The following GLB1 variants were observed in gnomAD, a reference collection of about 807,000 sequenced individuals.
The protein encoded by GLB1 is galactosidase beta 1.
A neutral mutation model predicts 74.0 loss-of-function variants in GLB1; 56 were observed. The ratio of observed to expected loss-of-function variants is 0.76; its 90% CI spans 0.61 to 0.94. GLB1 has a LOEUF of 0.94. GLB1 is among the 40% of genes least tolerant of loss of function. GLB1 has a pLI of 0.00. For synonymous variants in GLB1, 323 were observed against 323.6 expected (o/e 1.00, Z 0.02); for missense variants, 787 against 845.5 (o/e 0.93, Z 0.86).
At chr3:33,074,664 G>C (rs532417620) in intron 1 of GLB1, among the ~76,000 whole-genome samples, 1 of 152,230 alleles carries the variant, frequency 6.6e-6, no homozygotes, top group East Asian at 1.9e-4. Context: ...GGATAAGGCA[G>C]CAACAGGCCA....
intron 15 of GLB1, among the ~76,000 whole-genome samples, chr3:33,002,498 G>A (rs1278077565): frequency 6.6e-6 from 1 of 151,086 alleles, no homozygotes; most frequent in African/African-American, 2.4e-5. Flanking sequence ...CTCTTGAGGA[G>A]CTGGGACTAT....
chr3:33,091,175 A>G, intron 1 of GLB1: 1 of 985,472 alleles, frequency 1.0e-6, no homozygotes, highest in Non-Finnish European at 1.2e-6. Context: ...TTGGAAGGAC[A>G]GTGAAGAGAG....
At chr3:33,035,421 G>A (rs534332840) in intron 10 of GLB1, among the ~76,000 whole-genome samples, 71 of 151,636 alleles carry the variant, frequency 4.7e-4, no homozygotes, top group African/African-American at 1.6e-3. Flanking sequence ...AACAGAACAA[G>A]ACACTGTCTC....
chr3:32,978,987 T>G, the GLB1 span, among the ~76,000 whole-genome samples: 1 of 150,772 alleles, frequency 6.6e-6, no homozygotes, highest in Non-Finnish European at 1.5e-5. Context: ...TTCTTTTTTT[T>G]TTTTCTGAGA....
chr3:33,063,489 A>C (rs1224986573), intron 5 of GLB1, among the ~76,000 whole-genome samples: 1 of 152,180 alleles, frequency 6.6e-6, no homozygotes, highest in East Asian at 1.9e-4. Flanking sequence ...AGTTAAAGTC[A>C]TCTGAGGTTG....
At chr3:33,077,065 A>C (rs1445293145) in intron 1 of GLB1, 1 of 1,325,812 alleles carries the variant, frequency 7.5e-7, no homozygotes. Context: ...CTCTATAAAA[A>C]AAAAAATTAA....
At chr3:33,094,301 C>T in intron 1 of GLB1, 4 of 1,493,930 alleles carry the variant, frequency 2.7e-6, no homozygotes, top group East Asian at 2.3e-5. Context: ...AGGTCAACTC[C>T]GCCTGCAACC....
intron 6 of GLB1, among the ~76,000 whole-genome samples, chr3:33,054,090 G>A (rs1209888426): frequency 3.3e-5 from 5 of 152,074 alleles, no homozygotes; most frequent in Non-Finnish European, 7.4e-5. Flanking sequence ...CTGACCATGT[G>A]AGGGCACAGC....
intron 10 of GLB1, among the ~76,000 whole-genome samples, chr3:33,027,589 C>A (rs1697826823): frequency 6.6e-6 from 1 of 152,166 alleles, no homozygotes; most frequent in Non-Finnish European, 1.5e-5. Flanking sequence ...TCAAGACCAG[C>A]CTGGCCAACG....
intron 1 of GLB1, among the ~76,000 whole-genome samples, chr3:33,087,580 CACACACACA>C (rs1320185089): frequency 1.8e-3 from 1 of 564 alleles, no homozygotes; most frequent in African/African-American, 3.2e-3. Flanking sequence ...AGCATGCGCG[CACACACACA>C]CACACACACA....
chr3:33,085,486 ATTTT>A lies in GLB1; in HGVS notation c.75+11521_75+11524del, dbSNP rs113791194. ...TTGTAAATACTAGTATACACTTATG[ATTTT>A]TTTTCTCTCTAAAAAAGTATTGCAT... is the stretch of plus-strand genomic sequence containing the variant. On this transcript the variant is annotated intron_variant, in intron 1 of 15. Coordinates refer to ENST00000307363, the MANE Select transcript of GLB1 (RefSeq NM_000404.4). Among the ~76,000 whole-genome samples, 404 of 151,906 alleles carry A rather than the reference ATTTT, an allele frequency of 2.7e-3. 3 individuals are homozygous for A. The highest frequency in any genetic ancestry group is 9.3e-3 in the African/African-American group (387 of 41,432).
chr3:33,000,941 T>C (rs146973067), intron 15 of GLB1, among the ~76,000 whole-genome samples: 179 of 152,284 alleles, frequency 1.2e-3, no homozygotes, highest in African/African-American at 4.1e-3. Flanking sequence ...GTCTCTTGAC[T>C]TTATTAACTC....
At chr3:32,996,526 G>A (rs566109248), downstream of GLB1, 5 of 199,030 alleles carry the variant, frequency 2.5e-5, no homozygotes, top group South Asian at 4.9e-4. Flanking sequence ...TAATTGTTTT[G>A]AGCTGTATTT....
chr3:32,965,593 T>C, the GLB1 span, among the ~76,000 whole-genome samples: 1 of 152,194 alleles, frequency 6.6e-6, no homozygotes, highest in Non-Finnish European at 1.5e-5. Context: ...AAAAACATTT[T>C]CTGGGAAGAA....
the GLB1 span, among the ~76,000 whole-genome samples, chr3:32,977,476 G>A: frequency 6.6e-6 from 1 of 152,158 alleles, no homozygotes; most frequent in Non-Finnish European, 1.5e-5. Context: ...CCAAAGTGCT[G>A]GGATTACAGG....
In GLB1 at chr3:33,092,485, A is replaced by C. The variant is rs1053149530; in HGVS notation, c.75+4526T>G. The C allele has an allele frequency of 1.4e-5, 15 of 1,054,526 alleles. No individual in the cohort carries two copies. The African/African-American group carries it at 2.0e-4, about 14-fold the overall frequency. 65.3% of individuals were successfully genotyped at this position (1,054,526 alleles called of 1,614,324 possible). A position where few individuals can be genotyped will look rare whatever the true frequency, so the allele number is the denominator to read the frequency against. ...CCTGCTCCTCCCCGCCCCACCTTCTAGAGGTATGCCTTTCTAGCAACCCCG... is the reference window on the plus strand; with the variant it reads ...CCTGCTCCTCCCCGCCCCACCTTCTCGAGGTATGCCTTTCTAGCAACCCCG... On this transcript the variant is annotated intron_variant, in intron 1 of 15. Transcript: ENST00000307363.
chr3:33,009,390 G>T (rs1346938918), intron 15 of GLB1, among the ~76,000 whole-genome samples: 2 of 151,002 alleles, frequency 1.3e-5, no homozygotes, highest in African/African-American at 4.9e-5. Context: ...AGTGTGGTGG[G>T]GGGTGCCTGT....
At chr3:33,028,297 C>T (rs1559389393) in intron 10 of GLB1, among the ~76,000 whole-genome samples, 1 of 152,172 alleles carries the variant, frequency 6.6e-6, no homozygotes, top group Non-Finnish European at 1.5e-5. Flanking sequence ...ATTTCTTTAA[C>T]ACATGAGAGT....
At chr3:33,030,828 C>T (rs1697973537) in intron 10 of GLB1, 1 of 985,314 alleles carries the variant, frequency 1.0e-6, no homozygotes, top group Non-Finnish European at 1.2e-6. Context: ...AGAACAGAAA[C>T]AAAACTCTTA....
Sources: gnomAD v4.1 joint callset for allele counts (sites outside exome capture counted in the v4.1 genomes callset) on GRCh38, gnomAD v4.1.1 for gene constraint, MANE v1.5 for transcripts, NCBI Gene and HGNC (gene_info 2026-07-23, HGNC 2026-07-21) for gene names.